RAB6A: variants seen among roughly 807,000 people sequenced by gnomAD.
RAB6A encodes RAB6A, member RAS oncogene family, also known as ras-related protein Rab-6A.
In RAB6A, 8 loss-of-function variants were observed where a neutral mutation model predicts 32.3. That is an observed-to-expected ratio of 0.25 (90% CI 0.15 to 0.45). RAB6A has a LOEUF of 0.45. Among genes scored for constraint, RAB6A ranks in the 20% least tolerant of loss-of-function variants. The pLI, the probability that RAB6A is intolerant of heterozygous loss-of-function variation, is 1.00. For synonymous variants in RAB6A, 73 were observed against 82.1 expected (o/e 0.89, Z 0.60); for missense variants, 104 against 249.4 (o/e 0.42, Z 3.93).
chr11:73,749,926 T>C (rs1384074883), intron 1 of RAB6A, among the ~76,000 whole-genome samples: 1 of 152,182 alleles, frequency 6.6e-6, no homozygotes, highest in Non-Finnish European at 1.5e-5. Flanking sequence ...CTCAGGAGGC[T>C]GAGGCAGGAG....
At chr11:73,731,681 A>G (rs1291790600) in intron 1 of RAB6A, among the ~76,000 whole-genome samples, 4 of 9,360 alleles carry the variant, frequency 4.3e-4, no homozygotes, top group African/African-American at 9.0e-4. Flanking sequence ...AGATAGATAG[A>G]TATTATATAT....
chr11:73,710,714 G>A (rs528868300), intron 5 of RAB6A, among the ~76,000 whole-genome samples: 2 of 151,596 alleles, frequency 1.3e-5, no homozygotes, highest in African/African-American at 4.8e-5. Flanking sequence ...TCCAGCCTGG[G>A]CAACAGAGAG....
chr11:73,680,530 T>C (rs1366579484), intron 6 of RAB6A, among the ~76,000 whole-genome samples: 1 of 152,098 alleles, frequency 6.6e-6, no homozygotes, highest in African/African-American at 2.4e-5. Flanking sequence ...CACATGCCTG[T>C]AATCCCAGCT....
chr11:73,731,562 A>C (rs1946301703), intron 1 of RAB6A, among the ~76,000 whole-genome samples: 1 of 150,366 alleles, frequency 6.7e-6, no homozygotes, highest in Non-Finnish European at 1.5e-5. Flanking sequence ...AAGTGAGAAA[A>C]ACTGACAAGA....
At chr11:73,752,582 C>T (rs920298181) in intron 1 of RAB6A, among the ~76,000 whole-genome samples, 6 of 152,186 alleles carry the variant, frequency 3.9e-5, no homozygotes, top group East Asian at 3.9e-4. Context: ...TCTGGGAGAC[C>T]GAGGCCAGGC....
In RAB6A at chr11:73,685,588, G is replaced by GAAAGTCTTTTTTTTTTTTTTTTTTTTTT. The variant is rs1555054176; in HGVS notation, c.496-5869_496-5868insAAAAAAAAAAAAAAAAAAAAAAGACTTT. Among the ~76,000 whole-genome samples the GAAAGTCTTTTTTTTTTTTTTTTTTTTTT allele has an allele frequency of 3.2e-4, 29 of 89,570 alleles. 4 individuals are homozygous for GAAAGTCTTTTTTTTTTTTTTTTTTTTTT. The highest frequency in any genetic ancestry group is 2.0e-3 in the East Asian group (6 of 2,928). 58.8% of individuals were successfully genotyped at this position (89,570 alleles called of 152,430 possible). ...AAGTGTGAGCCACCACGCCCGGACTGAAAGTAGCGACCAGGTGCGGTGCCT... is the reference window on the plus strand; with the variant it reads ...AAGTGTGAGCCACCACGCCCGGACTGAAAGTCTTTTTTTTTTTTTTTTTTTTTTAAAGTAGCGACCAGGTGCGGTGCCT... On this transcript the variant is annotated intron_variant, in intron 6 of 7. Transcript: ENST00000336083.
intron 6 of RAB6A, among the ~76,000 whole-genome samples, chr11:73,689,012 A>G (rs1945503272): frequency 6.6e-6 from 1 of 152,052 alleles, no homozygotes; most frequent in Admixed American, 6.6e-5. Context: ...AGTCCAAGCT[A>G]TTCAGGAGGC....
At chr11:73,719,159 T>C (rs1478654272) in intron 3 of RAB6A, among the ~76,000 whole-genome samples, 1 of 152,214 alleles carries the variant, frequency 6.6e-6, no homozygotes, top group Non-Finnish European at 1.5e-5. Flanking sequence ...GCTTCCCTTT[T>C]TCCCTACCTA....
intron 6 of RAB6A, among the ~76,000 whole-genome samples, chr11:73,705,350 C>T (rs1422804164): frequency 1.3e-5 from 2 of 152,146 alleles, no homozygotes; most frequent in Non-Finnish European, 2.9e-5. Flanking sequence ...GAGTTTGAGT[C>T]AAGCCTGGCC....
chr11:73,685,126 T>A (rs1945422497), intron 6 of RAB6A, among the ~76,000 whole-genome samples: 1 of 152,196 alleles, frequency 6.6e-6, no homozygotes, highest in Non-Finnish European at 1.5e-5. Flanking sequence ...GGGCCCTAGG[T>A]AGGCCACTTA....
intron 1 of RAB6A, among the ~76,000 whole-genome samples, chr11:73,749,918 C>A (rs1329260896): frequency 1.3e-5 from 2 of 152,112 alleles, no homozygotes; most frequent in Non-Finnish European, 2.9e-5. Context: ...CCCAGCTACT[C>A]AGGAGGCTGA....
chr11:73,700,009 G>C (rs1183583901), intron 6 of RAB6A, among the ~76,000 whole-genome samples: 1 of 152,166 alleles, frequency 6.6e-6, no homozygotes, highest in Non-Finnish European at 1.5e-5. Flanking sequence ...ATGCCCATCA[G>C]CTATCACTAG....
At chr11:73,738,588 A>T (rs1020029988) in intron 1 of RAB6A, among the ~76,000 whole-genome samples, 9 of 152,174 alleles carry the variant, frequency 5.9e-5, no homozygotes, top group Non-Finnish European at 1.2e-4. Flanking sequence ...GTTTGCAACT[A>T]CTATAAACTG....
intron 6 of RAB6A, among the ~76,000 whole-genome samples, chr11:73,694,588 T>A (rs1476195460): frequency 6.6e-6 from 1 of 152,194 alleles, no homozygotes; most frequent in South Asian, 2.1e-4. Context: ...GACAAAAATT[T>A]TAGGCTGGGT....
At chr11:73,726,949 T>G (rs1397758760) in intron 2 of RAB6A, among the ~76,000 whole-genome samples, 1 of 152,004 alleles carries the variant, frequency 6.6e-6, no homozygotes, top group African/African-American at 2.4e-5. Context: ...TCAGAGAAGG[T>G]CTGAGATTAT....
intron 1 of RAB6A, among the ~76,000 whole-genome samples, chr11:73,744,633 G>T (rs1946556149): frequency 6.7e-6 from 1 of 150,254 alleles, no homozygotes; most frequent in South Asian, 2.1e-4. Flanking sequence ...GACAAAAAGA[G>T]AAATCAAAAT....
At chr11:73,735,530 G>A (rs549862475) in intron 1 of RAB6A, among the ~76,000 whole-genome samples, 3 of 152,124 alleles carry the variant, frequency 2.0e-5, no homozygotes, top group Admixed American at 1.3e-4. Flanking sequence ...AAGGCTAGAA[G>A]GTAAAGAAAA....
intron 1 of RAB6A, among the ~76,000 whole-genome samples, chr11:73,755,393 A>G (rs1157148797): frequency 6.6e-6 from 1 of 151,830 alleles, no homozygotes; most frequent in African/African-American, 2.4e-5. Context: ...TCCCGAGTTC[A>G]AGCAATGCTC....
intron 2 of RAB6A, among the ~76,000 whole-genome samples, chr11:73,726,408 C>T (rs1201953273): frequency 4.0e-5 from 6 of 151,152 alleles, no homozygotes; most frequent in Non-Finnish European, 4.4e-5. Flanking sequence ...CAGTGAAACC[C>T]TGTCTCTACT....
Sources: gnomAD v4.1 joint callset for allele counts (sites outside exome capture counted in the v4.1 genomes callset) on GRCh38, gnomAD v4.1.1 for gene constraint, MANE v1.5 for transcripts, NCBI Gene and HGNC (gene_info 2026-07-23, HGNC 2026-07-21) for gene names.